Variants in FOXP2 observed in about 807,000 individuals in gnomAD.
FOXP2 encodes the protein forkhead box P2.
FOXP2 carries 12 observed loss-of-function variants against 115.8 expected under a neutral mutation model. The observed-to-expected ratio is 0.10, with a 90% CI of 0.07 to 0.17. The LOEUF (loss-of-function observed/expected upper bound fraction) is 0.17, where lower values mean the gene tolerates loss of function less well. FOXP2 is among the 10% of genes least tolerant of loss of function. FOXP2 has a pLI of 1.00. For synonymous variants in FOXP2, 328 were observed against 297.7 expected, an observed-to-expected ratio of 1.10 and a Z score of -1.05; for missense variants, 629 against 843.5, an observed-to-expected ratio of 0.75 and a Z score of 3.15.
rs573207250 is a variant in FOXP2 at position 114,247,329 on chromosome 7, A to T, written c.-101-40690A>T. Among the ~76,000 whole-genome samples, 3 of 152,300 alleles carry T rather than the reference A, an allele frequency of 2.0e-5. No homozygotes were observed. In the South Asian group the frequency reaches 6.2e-4, roughly 32 times the overall value. Reference sequence around the variant, plus strand: ...ATCTGCCTATTAATACATATCTCTAACACCTTGATATTTCACAGACATTTA... The same window carrying T: ...ATCTGCCTATTAATACATATCTCTATCACCTTGATATTTCACAGACATTTA... On this transcript the variant is annotated intron_variant, in intron 1 of 17. Coordinates refer to the FOXP2 transcript ENST00000634411.
At chr7:114,334,855 T>C (rs1797802730) in intron 2 of FOXP2, among the ~76,000 whole-genome samples, 1 of 148,374 alleles carries the variant, frequency 6.7e-6, no homozygotes, top group South Asian at 2.1e-4. Flanking sequence ...AGCTAGAATG[T>C]ACAACTTGTA....
intron 1 of FOXP2, among the ~76,000 whole-genome samples, chr7:114,146,467 A>T (rs1792371359): frequency 6.6e-6 from 1 of 152,156 alleles, no homozygotes. Context: ...TGAATGAGTC[A>T]CTCTGTTAAT....
chr7:114,464,512 A>C (rs1181295461), intron 2 of FOXP2, among the ~76,000 whole-genome samples: 1 of 152,236 alleles, frequency 6.6e-6, no homozygotes, highest in Non-Finnish European at 1.5e-5. Flanking sequence ...AATAAGATAA[A>C]GAAATAAGGA....
At chr7:114,337,418 A>G (rs1039985200) in intron 2 of FOXP2, among the ~76,000 whole-genome samples, 1 of 151,232 alleles carries the variant, frequency 6.6e-6, no homozygotes, top group East Asian at 1.9e-4. Flanking sequence ...GAGCGATTCA[A>G]CTATTTTTAC....
chr7:114,386,683 A>G (rs1792462809), intron 2 of FOXP2, among the ~76,000 whole-genome samples: 1 of 152,234 alleles, frequency 6.6e-6, no homozygotes, highest in Admixed American at 6.5e-5. Context: ...GTTAATCCCA[A>G]GAAGCAGCCA....
intron 1 of FOXP2, among the ~76,000 whole-genome samples, chr7:114,234,970 C>T (rs1298139821): frequency 6.6e-6 from 1 of 152,128 alleles, no homozygotes; most frequent in Admixed American, 6.5e-5. Context: ...AGGTTTAGCC[C>T]CACTAGTCCC....
intron 6 of FOXP2, among the ~76,000 whole-genome samples, chr7:114,639,129 A>G (rs1469826336): frequency 6.6e-6 from 1 of 152,216 alleles, no homozygotes; most frequent in Non-Finnish European, 1.5e-5. Flanking sequence ...GTTAGTTGGT[A>G]TAATCTCTAA....
intron 8 of FOXP2, chr7:114,645,084 T>A (rs538415371): frequency 2.0e-4 from 34 of 169,070 alleles, no homozygotes; most frequent in Non-Finnish European, 2.4e-5. Context: ...AAAATAGAAT[T>A]CTCTTAAGTT....
At chr7:114,247,581 T>C (rs1378377381) in intron 1 of FOXP2, among the ~76,000 whole-genome samples, 1 of 152,214 alleles carries the variant, frequency 6.6e-6, no homozygotes, top group Non-Finnish European at 1.5e-5. Context: ...GGCTGCGTCC[T>C]TGAAACCTTT....
chr7:114,569,036 A>G (rs146677263), intron 3 of FOXP2, among the ~76,000 whole-genome samples: 13 of 152,076 alleles, frequency 8.5e-5, no homozygotes, highest in African/African-American at 3.1e-4. Flanking sequence ...ATTAAATATA[A>G]ACAGTGTCAC....
intron 1 of FOXP2, among the ~76,000 whole-genome samples, chr7:114,222,057 G>T (rs1194319446): frequency 1.3e-5 from 2 of 152,218 alleles, no homozygotes; most frequent in Non-Finnish European, 2.9e-5. Context: ...TCCAGGACAG[G>T]AATGGGCCAT....
intron 2 of FOXP2, among the ~76,000 whole-genome samples, chr7:114,404,708 G>C (rs1229468436): frequency 1.3e-5 from 2 of 151,944 alleles, no homozygotes; most frequent in Non-Finnish European, 2.9e-5. Context: ...TGTCAGTTTA[G>C]TTAATTCAAA....
chr7:114,344,358 A>G (rs1393934801), intron 2 of FOXP2, among the ~76,000 whole-genome samples: 1 of 151,850 alleles, frequency 6.6e-6, no homozygotes, highest in Non-Finnish European at 1.5e-5. Context: ...ACATGTTACA[A>G]AGATACAAAG....
At chr7:114,662,423 TC>T (rs1337725662) in intron 14 of FOXP2, among the ~76,000 whole-genome samples, 1 of 152,082 alleles carries the variant, frequency 6.6e-6, no homozygotes, top group Non-Finnish European at 1.5e-5. Flanking sequence ...ATTCAGCATT[TC>T]TACGTGTATC....
chr7:114,516,876 A>G (rs547455170), intron 2 of FOXP2, among the ~76,000 whole-genome samples: 2 of 151,986 alleles, frequency 1.3e-5, no homozygotes, highest in Non-Finnish European at 2.9e-5. Context: ...TTGTATTTTT[A>G]GTAGAGATGG....
chr7:114,400,617 G>A lies in FOXP2; in HGVS notation c.-10-25885G>A, dbSNP rs538159925. ...CCACAGACAGGAGTCGGGTGGGGTC[G>A]GGGGGAATGGCTTCTGGATGAAACT... On this transcript the variant is annotated intron_variant, in intron 2 of 17. Transcript: ENST00000634411. Among the ~76,000 whole-genome samples the A allele has an allele frequency of 3.3e-5, 5 of 152,164 alleles. No individual in the cohort carries two copies. The East Asian group carries it at 5.8e-4, about 18-fold the overall frequency.
In FOXP2 at chr7:114,691,362, C is replaced by T; in HGVS notation, c.*1436C>T. 1 of 453,932 alleles carries T rather than the reference C, an allele frequency of 2.2e-6. No individual in the cohort carries two copies. The allele number at this position is 453,932 out of a possible 1,614,324, so 28.1% of individuals were successfully genotyped here. A position where few individuals can be genotyped will look rare whatever the true frequency, so the allele number is the denominator to read the frequency against. On this transcript the variant is annotated 3_prime_UTR_variant, in exon 17 of 17. Coordinates refer to ENST00000350908, the MANE Select transcript of FOXP2 (RefSeq NM_014491.4). ...TTAAAGTGATCTAGCTGAGTTTTTA[C>T]ACTGAAAGCAAAGATTATAGCAATT...
intron 3 of FOXP2, 21 bp downstream of exon 3, chr7:114,534,727 C>T (rs747276775): frequency 1.3e-6 from 2 of 1,579,800 alleles, no homozygotes; most frequent in African/African-American, 1.4e-5. Context: ...CACTCCTGTC[C>T]TTGGGGTCTT....
intron 3 of FOXP2, among the ~76,000 whole-genome samples, chr7:114,613,231 G>A (rs1803727505): frequency 1.3e-5 from 2 of 152,162 alleles, no homozygotes; most frequent in African/African-American, 4.8e-5. Flanking sequence ...AAAGCAGAAA[G>A]TGTTTTTATA....
Sources: allele counts gnomAD v4.1 joint callset (sites outside exome capture counted in the v4.1 genomes callset), GRCh38; gene constraint gnomAD v4.1.1; transcripts MANE v1.5; gene names NCBI Gene and HGNC (gene_info 2026-07-23, HGNC 2026-07-21).